C2CD5: variants seen among roughly 807,000 people sequenced by gnomAD.
The protein encoded by C2CD5 is C2 calcium dependent domain containing 5, also known as C2 domain-containing protein 5.
A neutral mutation model predicts 130.3 loss-of-function variants in C2CD5; 109 were observed. The ratio of observed to expected loss-of-function variants is 0.84; its 90% CI spans 0.72 to 0.98. The LOEUF is 0.98. Ranked by LOEUF, C2CD5 falls within the 50% of genes least tolerant of loss-of-function variation. The probability of loss-of-function intolerance (pLI) is 0.00; values close to 1 mark genes in which losing one functional copy is unlikely to be tolerated. For synonymous variants in C2CD5, 454 were observed against 429.2 expected, an observed-to-expected ratio of 1.06 and a Z score of -0.71; for missense variants, 996 against 1,261.8, an observed-to-expected ratio of 0.79 and a Z score of 3.19.
At chr12:22,463,398 A>C (rs1207091656) in intron 22 of C2CD5, 1 of 152,124 alleles carries the variant, frequency 6.6e-6, no homozygotes, top group African/African-American at 2.4e-5. Flanking sequence ...TCTCAAAAAA[A>C]AAAAAAAGTA....
intron 12 of C2CD5, 74 bp downstream of exon 12, chr12:22,490,049 C>A: frequency 1.9e-6 from 2 of 1,056,214 alleles, no homozygotes; most frequent in Admixed American, 1.9e-5. Context: ...GAAGAATTAT[C>A]CCAACTCTCA....
chr12:22,498,442 T>C (rs1947330976), intron 10 of C2CD5, among the ~76,000 whole-genome samples: 1 of 152,186 alleles, frequency 6.6e-6, no homozygotes, highest in South Asian at 2.1e-4. Context: ...GTACATTCTA[T>C]AAATATATCC....
Position 22,523,489 on chromosome 12 carries a change from T to C in C2CD5, c.737A>G (p.Asp246Gly). The C allele has an allele frequency of 6.2e-7, 1 of 1,614,080 alleles. No homozygotes were observed. Among genetic ancestry groups the C allele is most frequent in the Admixed American group, 1.7e-5 (1 of 60,000 alleles). Reference protein sequence around the residue: ...VRAIGTACTLDKLSSPAAFLP... With the variant: ...VRAIGTACTLGKLSSPAAFLP... ...GAATGCTGCTGGGCTACTTAATTTA[T>C]CCAGAGTACACGCCGTTCCTATGGC... Residue 246 changes from aspartate (D) to glycine (G), a missense_variant, in exon 7 of 27, where the codon GAT becomes GGT. Transcript: ENST00000446597.
intron 8 of C2CD5, 30 bp from the exon 9 acceptor site, chr12:22,513,409 C>G (rs1415087413): frequency 1.4e-6 from 2 of 1,401,230 alleles, no homozygotes; most frequent in African/African-American, 2.8e-5. Context: ...AAATAACAAC[C>G]AAAAAAGCAA....
chr12:22,454,159 A>G, intron 25 of C2CD5, 117 bp from the exon 26 acceptor site: 1 of 784,176 alleles, frequency 1.3e-6, no homozygotes, highest in Non-Finnish European at 1.9e-6. Context: ...AATATACCAA[A>G]TAACTTAAAC....
chr12:22,540,141 T>G (rs1952218371), intron 2 of C2CD5, among the ~76,000 whole-genome samples: 2 of 152,162 alleles, frequency 1.3e-5, no homozygotes, highest in Admixed American at 1.3e-4. Context: ...TTCCCATGAG[T>G]TGACTATTTT....
intron 2 of C2CD5, among the ~76,000 whole-genome samples, chr12:22,537,900 G>A (rs753452480): frequency 9.9e-5 from 15 of 152,022 alleles, no homozygotes; most frequent in Non-Finnish European, 2.1e-4. Flanking sequence ...TTAATACTTC[G>A]CTTGTACAGA....
At chr12:22,535,548 C>T (rs1478787116) in intron 2 of C2CD5, among the ~76,000 whole-genome samples, 2 of 152,104 alleles carry the variant, frequency 1.3e-5, no homozygotes, top group Admixed American at 6.6e-5. Flanking sequence ...TCACCCATTG[C>T]TCTGCTTGAC....
intron 7 of C2CD5, among the ~76,000 whole-genome samples, chr12:22,522,435 T>A (rs1007581340): frequency 6.6e-6 from 1 of 152,162 alleles, no homozygotes; most frequent in Non-Finnish European, 1.5e-5. Context: ...TCTGACACAA[T>A]GATGACACAC....
At chr12:22,513,450 T>C in intron 8 of C2CD5, 71 bp from the exon 9 acceptor site, 3 of 889,770 alleles carry the variant, frequency 3.4e-6, no homozygotes, top group Non-Finnish European at 5.7e-6. Context: ...TGCATTCATC[T>C]TCATAAACAT....
intron 23 of C2CD5, 38 bp downstream of exon 23, chr12:22,459,454 C>T (rs746147441): frequency 3.4e-5 from 47 of 1,370,858 alleles, no homozygotes; most frequent in Non-Finnish European, 4.6e-5. Context: ...TAGAATTTTA[C>T]ACCTTTGGTG....
At chr12:22,469,864 G>T in intron 21 of C2CD5, 69 bp from the exon 22 acceptor site, 1 of 889,548 alleles carries the variant, frequency 1.1e-6, no homozygotes, top group Non-Finnish European at 1.7e-6. Context: ...TTAAGAATCT[G>T]TGACAACATA....
chr12:22,531,660 T>C (rs1328616455), intron 3 of C2CD5, among the ~76,000 whole-genome samples: 5 of 152,180 alleles, frequency 3.3e-5, no homozygotes, highest in Non-Finnish European at 5.9e-5. Context: ...AACCTTTGGG[T>C]AAAAGCTACT....
intron 10 of C2CD5, among the ~76,000 whole-genome samples, chr12:22,504,131 C>G (rs1471199264): frequency 6.6e-6 from 1 of 151,410 alleles, no homozygotes; most frequent in African/African-American, 2.4e-5. Context: ...TTAGCATGAA[C>G]TGGCACATAA....
chr12:22,465,599 GA>G (rs1458599338), intron 22 of C2CD5, among the ~76,000 whole-genome samples: 1 of 151,896 alleles, frequency 6.6e-6, no homozygotes, highest in Non-Finnish European at 1.5e-5. Flanking sequence ...GAATCTCGCT[GA>G]TTTTTTTTAC....
intron 13 of C2CD5, among the ~76,000 whole-genome samples, chr12:22,483,540 T>C (rs945075433): frequency 2.0e-5 from 3 of 151,598 alleles, no homozygotes; most frequent in African/African-American, 7.3e-5. Context: ...AAAAGTAAAA[T>C]AAACACATTT....
rs200931407 is a variant in C2CD5 at position 22,506,786 on chromosome 12, G to A, written c.1072C>T (p.Pro358Ser). ...FPFFTLTAFPPGFLVHVGGVV... is the reference protein window; with the variant it reads ...FPFFTLTAFPSGFLVHVGGVV... ...CCCCCAACGTGTACAAGGAATCCAG[G>A]AGGAAATGCCGTCAAGGTAAAAAAT... The change falls in exon 10 of 27, where the codon CCT becomes TCT. Residue 358 changes from proline to serine, a missense_variant. This residue lies in a region of C2CD5 where 156 missense variants were observed against 165.9 expected (regional missense o/e 0.94). Transcript: ENST00000446597. 232 of 1,611,726 alleles carry A rather than the reference G, an allele frequency of 1.4e-4. No homozygotes were observed. In the East Asian group the frequency reaches 4.5e-3, roughly 31 times the overall value.
intron 12 of C2CD5, among the ~76,000 whole-genome samples, chr12:22,485,841 A>C (rs1945414911): frequency 6.6e-6 from 1 of 152,148 alleles, no homozygotes; most frequent in African/African-American, 2.4e-5. Context: ...TATGAAATGT[A>C]CACAGGGATT....
At chr12:22,469,631 A>AGATTTC in intron 22 of C2CD5, 78 bp downstream of exon 22, 1 of 777,580 alleles carries the variant, frequency 1.3e-6, no homozygotes, top group Non-Finnish European at 2.0e-6. Flanking sequence ...AAGGTTAGTA[A>AGATTTC]GATTTCCTAT....
Sources: allele counts gnomAD v4.1 joint callset (sites outside exome capture counted in the v4.1 genomes callset), GRCh38; gene constraint gnomAD v4.1.1; regional missense constraint gnomAD v4.1.1; transcripts MANE v1.5; gene names NCBI Gene and HGNC (gene_info 2026-07-23, HGNC 2026-07-21).